The following PDE9A variants were observed in gnomAD, a reference collection of about 807,000 sequenced individuals.
The protein encoded by PDE9A is high affinity cGMP-specific 3',5'-cyclic phosphodiesterase 9A.
A neutral mutation model predicts 87.4 loss-of-function variants in PDE9A; 60 were observed. That is an observed-to-expected ratio of 0.69 (90% CI 0.56 to 0.85). The LOEUF is 0.85. PDE9A is among the 40% of genes least tolerant of loss of function. PDE9A has a pLI of 0.00. For missense variants in PDE9A, 665 were observed against 779.0 expected (o/e 0.85, Z 1.74); for synonymous variants, 272 against 279.4 (o/e 0.97, Z 0.27).
At position 42,695,947 on chromosome 21, in the gene PDE9A, A is replaced by C. The variant is rs2060117542; in HGVS notation, c.219-3021A>C. Among the ~76,000 whole-genome samples, 1 of 152,190 alleles carries C rather than the reference A, an allele frequency of 6.6e-6. No individual in the cohort carries two copies. Among genetic ancestry groups the C allele is most frequent in the African/African-American group, 2.4e-5 (1 of 41,456 alleles). Reference sequence around the variant, plus strand: ...TGATCTTGAGTGGCCCAGAAATGCAACCCAAGGATCTTGGGCCCAAGGGCC... The same window carrying C: ...TGATCTTGAGTGGCCCAGAAATGCACCCCAAGGATCTTGGGCCCAAGGGCC... On this transcript the variant is annotated intron_variant, in intron 3 of 19. Coordinates refer to ENST00000291539, the MANE Select transcript of PDE9A (RefSeq NM_002606.3). The surrounding 1 kb of genome is among the most constrained non-coding windows in gnomAD (Gnocchi z 4.3).
intron 18 of PDE9A, among the ~76,000 whole-genome samples, chr21:42,772,216 G>A (rs1392261045): frequency 1.3e-5 from 2 of 152,248 alleles, no homozygotes; most frequent in Non-Finnish European, 1.5e-5. Context: ...AGCTGGGTGA[G>A]CTCACTGTCC....
chr21:42,774,152 T>C (rs532269372), intron 19 of PDE9A, among the ~76,000 whole-genome samples: 2 of 152,068 alleles, frequency 1.3e-5, no homozygotes, highest in Non-Finnish European at 2.9e-5. Context: ...AATAAATAAA[T>C]AAACAATAAA....
intron 18 of PDE9A, among the ~76,000 whole-genome samples, chr21:42,771,726 C>T (rs1427247067): frequency 6.6e-6 from 1 of 152,244 alleles, no homozygotes; most frequent in Non-Finnish European, 1.5e-5. Context: ...TCATCTCCCT[C>T]GACTGACGGC....
In PDE9A at chr21:42,732,690, A is replaced by G. The variant is rs376117434; in HGVS notation, c.497+566A>G. Among the ~76,000 whole-genome samples, 19 of 152,228 alleles carry G rather than the reference A, an allele frequency of 1.2e-4. No individual in the cohort carries two copies. In the South Asian group the frequency reaches 1.9e-3, roughly 15 times the overall value. ...AGCACTTTGGGAGGCGGAGGCGGGCAGATCACCTGAGGTCGGGAGTTCAAG... is the reference window on the plus strand; with the variant it reads ...AGCACTTTGGGAGGCGGAGGCGGGCGGATCACCTGAGGTCGGGAGTTCAAG... On this transcript the variant is annotated intron_variant, in intron 6 of 19. Coordinates refer to ENST00000291539, the MANE Select transcript of PDE9A (RefSeq NM_002606.3).
chr21:42,685,435 A>G (rs1484778804), intron 1 of PDE9A, among the ~76,000 whole-genome samples: 1 of 144,644 alleles, frequency 6.9e-6, no homozygotes, highest in Non-Finnish European at 1.5e-5. Context: ...ATTCAGCCTC[A>G]GTCCCTCAGT....
chr21:42,670,677 A>G (rs1420727157), intron 1 of PDE9A, among the ~76,000 whole-genome samples: 1 of 151,798 alleles, frequency 6.6e-6, no homozygotes, highest in Non-Finnish European at 1.5e-5. Flanking sequence ...ATACACATGC[A>G]TTCACACACA....
chr21:42,668,973 T>TC (rs2058224145), intron 1 of PDE9A, among the ~76,000 whole-genome samples: 1 of 148,690 alleles, frequency 6.7e-6, no homozygotes, highest in African/African-American at 2.5e-5. Flanking sequence ...CCTCCGTGTC[T>TC]CCCCTCGTTA....
chr21:42,729,225 A>G lies in PDE9A; in HGVS notation c.263-2545A>G, dbSNP rs138011817. ...GATATTGAATGAGTTGTAGTACCTC[A>G]TGCTTCTCTAGGAGTTGGTCCATTT... On this transcript the variant is annotated intron_variant, in intron 4 of 19. Transcript: ENST00000291539. 1.2e-3 allele frequency among the ~76,000 whole-genome samples: 186 copies of G among 152,288 alleles called. 1 individual carries two copies. The highest frequency in any genetic ancestry group is 3.4e-3 in the Middle Eastern group (1 of 294).
intron 4 of PDE9A, among the ~76,000 whole-genome samples, chr21:42,713,174 A>G (rs761580731): frequency 6.6e-6 from 1 of 152,062 alleles, no homozygotes; most frequent in African/African-American, 2.4e-5. Context: ...TCGCTCTGTC[A>G]CCCAGGCTGG....
At chr21:42,697,303 A>C (rs1404382800) in intron 3 of PDE9A, 30 of 706,310 alleles carry the variant, frequency 4.2e-5, no homozygotes, top group Middle Eastern at 2.4e-4. Flanking sequence ...TAAAATTGTA[A>C]AGATTTTCCA....
At position 42,726,617 on chromosome 21, in the gene PDE9A, TA is replaced by T. The variant is rs1462558243; in HGVS notation, c.263-5152del. Among the ~76,000 whole-genome samples the T allele has an allele frequency of 9.4e-3, 339 of 36,058 alleles. 10 individuals carry two copies. Among genetic ancestry groups the T allele is most frequent in the African/African-American group, 0.057 (312 of 5,452 alleles). 23.7% of individuals were successfully genotyped at this position (36,058 alleles called of 152,430 possible). ...CCATATATATATATATATATATATA[TA>T]TATATATTTTTTTTTTTTTTTTTGT... is the stretch of plus-strand genomic sequence containing the variant. On this transcript the variant is annotated intron_variant, in intron 4 of 19. Coordinates refer to ENST00000291539, the MANE Select transcript of PDE9A (RefSeq NM_002606.3).
intron 8 of PDE9A, among the ~76,000 whole-genome samples, chr21:42,750,731 A>G (rs1380627546): frequency 6.6e-6 from 1 of 151,928 alleles, no homozygotes; most frequent in African/African-American, 2.4e-5. Flanking sequence ...ACACGCCACC[A>G]CGCCCAGCTA....
Position 42,760,433 on chromosome 21 carries a change from G to A in PDE9A, c.1002+1G>A. ...CATGGTCTGGCTCTGCAGTCTCCAG[G>A]TGGGTCCTGCCCGCTGCACACCCAG... On this transcript the variant is annotated splice_donor_variant, in intron 12 of 19. Transcript: ENST00000291539. LOFTEE classifies it high-confidence loss of function. The surrounding 1 kb of genome is among the most constrained non-coding windows in gnomAD (Gnocchi z 5.2). The A allele has an allele frequency of 6.4e-7, 1 of 1,569,154 alleles. No homozygotes were observed. Among genetic ancestry groups the A allele is most frequent in the Non-Finnish European group, 8.7e-7 (1 of 1,146,428 alleles).
intron 1 of PDE9A, among the ~76,000 whole-genome samples, chr21:42,661,930 C>T (rs2057531298): frequency 6.6e-6 from 1 of 152,178 alleles, no homozygotes; most frequent in South Asian, 2.1e-4. Flanking sequence ...AGCTCAGCTA[C>T]CAGCCCTGGT....
intron 9 of PDE9A, among the ~76,000 whole-genome samples, chr21:42,752,144 G>A (rs187210515): frequency 1.7e-4 from 26 of 152,288 alleles, no homozygotes; most frequent in Admixed American, 3.9e-4. Flanking sequence ...CACTGCCTGC[G>A]GTTCAAGTGA....
At chr21:42,713,740 A>G (rs1273364028) in intron 4 of PDE9A, among the ~76,000 whole-genome samples, 4 of 152,092 alleles carry the variant, frequency 2.6e-5, no homozygotes, top group Non-Finnish European at 5.9e-5. Flanking sequence ...AATCACTGAG[A>G]GTACATTTTG....
chr21:42,698,540 G>T (rs73905745), intron 3 of PDE9A, among the ~76,000 whole-genome samples: 1 of 152,056 alleles, frequency 6.6e-6, no homozygotes, highest in Non-Finnish European at 1.5e-5. Flanking sequence ...GTGCATTTTC[G>T]ACTTCATCAC....
rs1344158155 is a variant in PDE9A, at chr21:42,662,778, CACACACACACACCAA to C, written c.69+8896_69+8910del. Among the ~76,000 whole-genome samples the C allele has an allele frequency of 3.6e-5, 4 of 111,576 alleles. No homozygotes were observed. The East Asian group carries it at 1.7e-3, about 46-fold the overall frequency. 73.2% of individuals were successfully genotyped at this position (111,576 alleles called of 152,430 possible). A position where few individuals can be genotyped will look rare whatever the true frequency, so the allele number is the denominator to read the frequency against. ...GCACACCACACACAAGGACACACACCACACACACACACCAAGCACACACACACCACACACACGCAC... is the reference window on the plus strand; with the variant it reads ...GCACACCACACACAAGGACACACACCGCACACACACACCACACACACGCAC... On this transcript the variant is annotated intron_variant, in intron 1 of 19. Transcript: ENST00000291539.
chr21:42,714,868 A>C (rs1172392525), intron 4 of PDE9A, among the ~76,000 whole-genome samples: 9 of 140,806 alleles, frequency 6.4e-5, no homozygotes, highest in African/African-American at 1.8e-4. Flanking sequence ...GGTTAGCTCT[A>C]CCAGTCTTTG....
Sources: gnomAD v4.1 joint callset for allele counts (sites outside exome capture counted in the v4.1 genomes callset) on GRCh38, gnomAD v4.1.1 for gene constraint, Gnocchi (gnomAD v3.1) non-coding constraint, MANE v1.5 for transcripts, NCBI Gene and HGNC (gene_info 2026-07-23, HGNC 2026-07-21) for gene names.